Variants in TNFSF4 observed in about 807,000 individuals in gnomAD.
TNFSF4 encodes tumor necrosis factor ligand superfamily member 4.
In TNFSF4, 4 loss-of-function variants were observed where a neutral mutation model predicts 7.3. The ratio of observed to expected loss-of-function variants is 0.55; its 90% CI spans 0.27 to 1.25. The LOEUF is 1.25. Ranked by LOEUF, TNFSF4 falls within the 50% of genes most tolerant of loss-of-function variation. The pLI is 0.12. For missense variants in TNFSF4, 181 were observed against 208.8 expected (o/e 0.87, Z 0.82); for synonymous variants, 76 against 83.7 (o/e 0.91, Z 0.50).
At chr1:173,447,116 A>G in the TNFSF4 span, among the ~76,000 whole-genome samples, 2 of 152,226 alleles carry the variant, frequency 1.3e-5, no homozygotes, top group Non-Finnish European at 2.9e-5. Flanking sequence ...CATGTTATTA[A>G]GTTAAAGAAG....
At chr1:173,303,502 T>C in the TNFSF4 span, among the ~76,000 whole-genome samples, 2 of 152,028 alleles carry the variant, frequency 1.3e-5, no homozygotes, top group Admixed American at 6.6e-5. Context: ...GAGGCTAGAA[T>C]GGGAGGTGGA....
chr1:173,192,986 T>C (rs1285313647), intron 1 of TNFSF4, among the ~76,000 whole-genome samples: 1 of 152,170 alleles, frequency 6.6e-6, no homozygotes, highest in Non-Finnish European at 1.5e-5. Context: ...ATGTTCATAA[T>C]TTATTCTACA....
chr1:173,289,328 C>T, the TNFSF4 span, among the ~76,000 whole-genome samples: 3,105 of 151,700 alleles, frequency 0.02, 106 homozygotes, highest in African/African-American at 0.072. Flanking sequence ...AGTGAGGGGT[C>T]GGGGGGGCAA....
the TNFSF4 span, among the ~76,000 whole-genome samples, chr1:173,395,206 T>G: frequency 6.6e-6 from 1 of 151,290 alleles, no homozygotes; most frequent in Admixed American, 6.6e-5. Context: ...GGTTCTGGAA[T>G]TGGCTCCCTA....
At chr1:173,261,769 AC>A in the TNFSF4 span, among the ~76,000 whole-genome samples, 1 of 152,118 alleles carries the variant, frequency 6.6e-6, no homozygotes. Flanking sequence ...TCCTCCCAAG[AC>A]TGAACCAGGA....
chr1:173,225,304 A>G, the TNFSF4 span, among the ~76,000 whole-genome samples: 1 of 152,208 alleles, frequency 6.6e-6, no homozygotes, highest in Non-Finnish European at 1.5e-5. Context: ...ACTTCTAAAC[A>G]TCACCAATTC....
At chr1:173,447,712 A>G in the TNFSF4 span, among the ~76,000 whole-genome samples, 2 of 152,192 alleles carry the variant, frequency 1.3e-5, no homozygotes, top group Admixed American at 1.3e-4. Flanking sequence ...CATCAATAGA[A>G]AGGGAAAACA....
chr1:173,308,297 G>C, the TNFSF4 span, among the ~76,000 whole-genome samples: 4 of 147,648 alleles, frequency 2.7e-5, no homozygotes, highest in African/African-American at 1.0e-4. Flanking sequence ...GTGTGTGTGT[G>C]TGTGTGTGTG....
At chr1:173,402,809 G>A in the TNFSF4 span, among the ~76,000 whole-genome samples, 1 of 152,130 alleles carries the variant, frequency 6.6e-6, no homozygotes, top group African/African-American at 2.4e-5. Context: ...CTCATACCCA[G>A]AGTTTCTGAT....
the TNFSF4 span, among the ~76,000 whole-genome samples, chr1:173,406,950 A>G: frequency 6.6e-6 from 1 of 152,276 alleles, no homozygotes; most frequent in South Asian, 2.1e-4. Context: ...GGTTCTGAGC[A>G]GGGCGAGGAG....
the TNFSF4 span, among the ~76,000 whole-genome samples, chr1:173,244,016 C>T: frequency 6.6e-6 from 1 of 152,216 alleles, no homozygotes; most frequent in Non-Finnish European, 1.5e-5. Context: ...AGCTTTTTAG[C>T]AGCCCCTTCA....
the TNFSF4 span, among the ~76,000 whole-genome samples, chr1:173,369,674 AAG>A: frequency 6.6e-6 from 1 of 152,112 alleles, no homozygotes; most frequent in East Asian, 1.9e-4. Context: ...AACCCTGAAA[AAG>A]AAGTGGCTTA....
the TNFSF4 span, among the ~76,000 whole-genome samples, chr1:173,260,794 C>T: frequency 6.6e-6 from 1 of 152,114 alleles, no homozygotes; most frequent in Non-Finnish European, 1.5e-5. Context: ...GCTAACTATC[C>T]TAAATATATA....
the TNFSF4 span, among the ~76,000 whole-genome samples, chr1:173,342,508 G>T: frequency 6.7e-6 from 1 of 149,800 alleles, no homozygotes. Flanking sequence ...CACGAATGAT[G>T]CATTATGCAA....
intron 1 of TNFSF4, among the ~76,000 whole-genome samples, chr1:173,194,292 T>C (rs1649605323): frequency 6.6e-6 from 1 of 152,252 alleles, no homozygotes; most frequent in African/African-American, 2.4e-5. Context: ...TATGCAGCAG[T>C]TATTACACTC....
In TNFSF4 at chr1:173,186,438, A is replaced by C. The variant is rs1360767280; in HGVS notation, c.*78T>G. ...TGAGCTGGGAGGCTCCTTCACTTGC[A>C]ATGAAGAATCCATGCCCTGTCCACC... On this transcript the variant is annotated 3_prime_UTR_variant, in exon 3 of 3. Transcript: ENST00000281834. 1.1e-5 allele frequency: 13 copies of C among 1,236,860 alleles called. No homozygotes were observed. The highest frequency in any genetic ancestry group is 1.5e-5 in the African/African-American group (1 of 66,538). The allele number at this position is 1,236,860 out of a possible 1,614,324, so 76.6% of individuals were successfully genotyped here.
At chr1:173,282,546 C>T in the TNFSF4 span, among the ~76,000 whole-genome samples, 1 of 151,916 alleles carries the variant, frequency 6.6e-6, no homozygotes, top group Non-Finnish European at 1.5e-5. Flanking sequence ...GCAACCTCCA[C>T]CTCCCAGGTT....
the TNFSF4 span, among the ~76,000 whole-genome samples, chr1:173,364,368 T>C: frequency 1.4e-5 from 2 of 145,934 alleles, no homozygotes; most frequent in African/African-American, 5.1e-5. Context: ...TACATATATA[T>C]TGGGGTGTAT....
chr1:173,218,416 GCCA>G, the TNFSF4 span, among the ~76,000 whole-genome samples: 1 of 152,022 alleles, frequency 6.6e-6, no homozygotes, highest in Non-Finnish European at 1.5e-5. Flanking sequence ...CATTTCAAGG[GCCA>G]CCGCCCACTT....
Sources: allele counts gnomAD v4.1 joint callset (sites outside exome capture counted in the v4.1 genomes callset), GRCh38; gene constraint gnomAD v4.1.1; transcripts MANE v1.5; gene names NCBI Gene and HGNC (gene_info 2026-07-23, HGNC 2026-07-21).